The following MARCHF1 variants were observed in gnomAD, a reference collection of about 807,000 sequenced individuals.
MARCHF1 encodes membrane associated ring-CH-type finger 1.
Under a neutral mutation model 54.2 loss-of-function variants are expected in MARCHF1, and 40 were observed. The observed-to-expected ratio is 0.74, with a 90% CI of 0.57 to 0.96. MARCHF1 has a LOEUF of 0.96. Ranked by LOEUF, MARCHF1 falls within the 40% of genes least tolerant of loss-of-function variation. The pLI is 0.00. For synonymous variants in MARCHF1, 236 were observed against 236.3 expected (o/e 1.00, Z 0.01); for missense variants, 586 against 656.5 (o/e 0.89, Z 1.17).
chr4:164,240,658 C>T (rs1732714089), intron 1 of MARCHF1, among the ~76,000 whole-genome samples: 1 of 152,126 alleles, frequency 6.6e-6, no homozygotes, highest in Admixed American at 6.5e-5. Flanking sequence ...AGAATTCAGA[C>T]ATAACTGACT....
At chr4:163,936,063 A>G (rs575492216) in intron 3 of MARCHF1, among the ~76,000 whole-genome samples, 1 of 152,222 alleles carries the variant, frequency 6.6e-6, no homozygotes, top group African/African-American at 2.4e-5. Flanking sequence ...TTTGTGGTGT[A>G]TCAGAGAATA....
intron 4 of MARCHF1, among the ~76,000 whole-genome samples, chr4:163,794,121 T>C (rs1341254910): frequency 6.6e-6 from 1 of 152,186 alleles, no homozygotes; most frequent in Non-Finnish European, 1.5e-5. Context: ...CAACTATTTG[T>C]ACTACATTTT....
intron 3 of MARCHF1, among the ~76,000 whole-genome samples, chr4:163,897,460 C>A (rs908418532): frequency 6.6e-6 from 1 of 152,132 alleles, no homozygotes; most frequent in East Asian, 1.9e-4. Flanking sequence ...CACTCTCTGA[C>A]TTCAAATTAT....
intron 1 of MARCHF1, among the ~76,000 whole-genome samples, chr4:164,171,763 G>A (rs1303272968): frequency 6.6e-6 from 1 of 152,126 alleles, no homozygotes; most frequent in Non-Finnish European, 1.5e-5. Flanking sequence ...ATTGGAAACT[G>A]GGCTGAGGAA....
chr4:163,728,216 C>T (rs1204526825), intron 4 of MARCHF1, among the ~76,000 whole-genome samples: 10 of 152,126 alleles, frequency 6.6e-5, no homozygotes. Flanking sequence ...TTTATCACCC[C>T]CTTTTTTTAT....
At chr4:163,824,229 T>C (rs1344928072) in intron 4 of MARCHF1, among the ~76,000 whole-genome samples, 1 of 152,046 alleles carries the variant, frequency 6.6e-6, no homozygotes, top group African/African-American at 2.4e-5. Flanking sequence ...TGTATATACA[T>C]AAATTAAAGT....
At chr4:163,848,391 A>G (rs1421669631) in intron 4 of MARCHF1, among the ~76,000 whole-genome samples, 1 of 152,172 alleles carries the variant, frequency 6.6e-6, no homozygotes, top group Non-Finnish European at 1.5e-5. Context: ...AGCCTCAAAA[A>G]ATCATAATTG....
intron 2 of MARCHF1, among the ~76,000 whole-genome samples, chr4:164,102,682 G>C (rs796263288): frequency 0.18 from 26,557 of 151,424 alleles, 3,051 homozygotes; most frequent in Non-Finnish European, 0.26. Flanking sequence ...AAAGACCATC[G>C]AGACTAGGAA....
At chr4:163,529,327 T>G (rs1471810396) in intron 9 of MARCHF1, among the ~76,000 whole-genome samples, 2 of 152,052 alleles carry the variant, frequency 1.3e-5, no homozygotes, top group African/African-American at 4.8e-5. Context: ...ATCATAATTA[T>G]GAGATATTAT....
intron 1 of MARCHF1, among the ~76,000 whole-genome samples, chr4:164,317,207 T>C (rs912791425): frequency 2.0e-5 from 3 of 152,216 alleles, no homozygotes; most frequent in Admixed American, 6.5e-5. Flanking sequence ...TAGTAACCAG[T>C]TTACCTGATT....
At chr4:163,690,282 C>G (rs1224048854) in intron 5 of MARCHF1, among the ~76,000 whole-genome samples, 2 of 152,190 alleles carry the variant, frequency 1.3e-5, no homozygotes, top group Non-Finnish European at 2.9e-5. Flanking sequence ...AAAAAAGAGT[C>G]TTCTTGTTAA....
intron 3 of MARCHF1, among the ~76,000 whole-genome samples, chr4:163,951,897 A>C (rs1292703296): frequency 1.3e-5 from 2 of 152,238 alleles, no homozygotes; most frequent in Non-Finnish European, 1.5e-5. Context: ...ACCATTTCAA[A>C]TATGCTACAC....
At chr4:163,585,608 T>C in intron 8 of MARCHF1, 141 bp downstream of exon 8, 1 of 532,412 alleles carries the variant, frequency 1.9e-6, no homozygotes, top group Non-Finnish European at 3.2e-6. Flanking sequence ...ATAAATTTTG[T>C]GCACTGAGCT....
intron 7 of MARCHF1, among the ~76,000 whole-genome samples, chr4:163,587,616 C>T (rs11733747): frequency 0.36 from 54,834 of 151,772 alleles, 10,331 homozygotes; most frequent in Middle Eastern, 0.43. Flanking sequence ...ATTGTTGAAG[C>T]GGGGGAGGGT....
Position 163,699,471 on chromosome 4 carries a change from G to T in MARCHF1, c.162+1342C>A, listed in dbSNP as rs936108448. 2.6e-5 allele frequency among the ~76,000 whole-genome samples: 4 copies of T among 151,516 alleles called. No homozygotes were observed. The South Asian group carries it at 6.4e-4, about 24-fold the overall frequency. On this transcript the variant is annotated intron_variant, in intron 5 of 9. Coordinates refer to ENST00000514618, the MANE Select transcript of MARCHF1 (RefSeq NM_001394959.1). ...TTGGAAACCAGCATAAGATAATGTTGATACTGTGGTCACAATTTTTTTCTT... is the reference window on the plus strand; with the variant it reads ...TTGGAAACCAGCATAAGATAATGTTTATACTGTGGTCACAATTTTTTTCTT...
intron 2 of MARCHF1, among the ~76,000 whole-genome samples, chr4:164,046,755 A>G (rs1754251846): frequency 6.6e-6 from 1 of 152,220 alleles, no homozygotes; most frequent in Non-Finnish European, 1.5e-5. Context: ...AATGAGGCTT[A>G]GTGAAAGAAA....
chr4:163,737,214 A>ATTTTTTTTTTTTTTT (rs200485998), intron 4 of MARCHF1, among the ~76,000 whole-genome samples: 3 of 43,588 alleles, frequency 6.9e-5, no homozygotes, highest in African/African-American at 7.2e-5. Context: ...ATTTTTTTTA[A>ATTTTTTTTTTTTTTT]TTTTTTTTTT....
chr4:164,229,280 C>T (rs183256589), intron 1 of MARCHF1, among the ~76,000 whole-genome samples: 282 of 152,248 alleles, frequency 1.9e-3, no homozygotes, highest in East Asian at 7.2e-3. Context: ...CAATTTCAGA[C>T]GCGAGGTTAT....
Position 163,976,601 on chromosome 4 carries a change from G to T in MARCHF1, c.-39+11900C>A, listed in dbSNP as rs139292410. Reference sequence around the variant, plus strand: ...ACCAATAGGCTACTGCCTCAATGACGTCTGGTGATTTCTGAGGCTAGGTTA... The same window carrying T: ...ACCAATAGGCTACTGCCTCAATGACTTCTGGTGATTTCTGAGGCTAGGTTA... On this transcript the variant is annotated intron_variant, in intron 3 of 9. Coordinates refer to ENST00000514618, the MANE Select transcript of MARCHF1 (RefSeq NM_001394959.1). 3.9e-3 allele frequency among the ~76,000 whole-genome samples: 592 copies of T among 152,182 alleles called. 2 individuals are homozygous for T. Among genetic ancestry groups the T allele is most frequent in the Admixed American group, 0.011 (167 of 15,286 alleles).
Sources: allele counts gnomAD v4.1 joint callset (sites outside exome capture counted in the v4.1 genomes callset), GRCh38; gene constraint gnomAD v4.1.1; transcripts MANE v1.5; gene names NCBI Gene and HGNC (gene_info 2026-07-23, HGNC 2026-07-21).